The following SYT15 variants were observed in gnomAD, a reference collection of about 807,000 sequenced individuals.
SYT15 encodes the protein synaptotagmin-15.
A neutral mutation model predicts 30.1 loss-of-function variants in SYT15; 4 were observed. That is an observed-to-expected ratio of 0.13 (90% CI 0.07 to 0.30). The LOEUF is 0.30. Among genes scored for constraint, SYT15 ranks in the 10% least tolerant of loss-of-function variants. SYT15 has a pLI of 1.00. For synonymous variants in SYT15, 19 were observed against 166.3 expected (o/e 0.11, Z 6.82); for missense variants, 49 against 371.7 (o/e 0.13, Z 7.14).
chr10:46,586,831 G>T (rs528748002), intron 7 of SYT15, among the ~76,000 whole-genome samples: 1 of 20,992 alleles, frequency 4.8e-5, no homozygotes, highest in East Asian at 1.9e-3. Flanking sequence ...TCCACAGAGC[G>T]AGACTCTGTC....
chr10:46,584,598 A>AC lies in SYT15; in HGVS notation c.926_927insC (p.Glu309AspfsTer39), dbSNP rs782598080. The AC allele has an allele frequency of 2.0e-4, 316 of 1,598,850 alleles. No individual in the cohort carries two copies. The highest frequency in any genetic ancestry group is 2.3e-4 in the Non-Finnish European group (265 of 1,172,812). Reference sequence around the variant, plus strand: ...CGTGCCAAGGGCCTCCGGCTCCAGGAGGACAGAGGCATTGTCAGTGAGTTC... The same window carrying AC: ...CGTGCCAAGGGCCTCCGGCTCCAGGACGGACAGAGGCATTGTCAGTGAGTTC... On this transcript the variant is annotated frameshift_variant, in exon 6 of 8. Transcript: ENST00000374321. LOFTEE classifies it high-confidence loss of function.
At chr10:46,586,984 G>A (rs1387284791) in intron 7 of SYT15, among the ~76,000 whole-genome samples, 1 of 12,294 alleles carries the variant, frequency 8.1e-5, no homozygotes, top group Admixed American at 7.8e-4. Flanking sequence ...GACCTTCCTC[G>A]TGCCCTCCAG....
intron 5 of SYT15, among the ~76,000 whole-genome samples, chr10:46,584,228 C>T (rs1844582534): frequency 6.6e-6 from 1 of 151,600 alleles, no homozygotes; most frequent in Non-Finnish European, 1.5e-5. Context: ...GGAAATGTTT[C>T]CTCCAGCCCA....
In SYT15 at chr10:46,590,445, GAAAT is replaced by G. The variant is rs1168168188; in HGVS notation, c.*2802_*2805del. 2.8e-5 allele frequency: 2 copies of G among 72,382 alleles called. No homozygotes were observed. The highest frequency in any genetic ancestry group is 5.6e-5 in the Non-Finnish European group (2 of 36,020). 4.5% of individuals were successfully genotyped at this position (72,382 alleles called of 1,614,324 possible). On this transcript the variant is annotated 3_prime_UTR_variant, in exon 8 of 8. Coordinates refer to ENST00000374321, the MANE Select transcript of SYT15 (RefSeq NM_031912.5). Reference sequence around the variant, plus strand: ...TGGCTGAGCAATTGGACAAGATAAAGAAATAAAAGTGATCCAGATCATAAAGAAA... The same window carrying G: ...TGGCTGAGCAATTGGACAAGATAAAGAAAAGTGATCCAGATCATAAAGAAA...
At chr10:46,596,414 C>T (rs1845688363), downstream of SYT15, 1 of 148,760 alleles carries the variant, frequency 6.7e-6, no homozygotes, top group Non-Finnish European at 1.4e-5. Context: ...GAGTGCCTCA[C>T]ATTTGGCAGA....
downstream of SYT15, chr10:46,596,765 A>C (rs1453784943): frequency 2.4e-6 from 1 of 417,264 alleles, no homozygotes; most frequent in Non-Finnish European, 4.7e-6. Flanking sequence ...AATGGAGAGG[A>C]AACACTGCTA....
chr10:46,579,392 AC>A (rs1418493339), intron 1 of SYT15, among the ~76,000 whole-genome samples: 9 of 85,484 alleles, frequency 1.1e-4, no homozygotes, highest in Non-Finnish European at 1.8e-4. Flanking sequence ...TCACCACCCC[AC>A]CCAGTGCAGA....
At chr10:46,596,920 T>C, downstream of SYT15, 4 of 331,756 alleles carry the variant, frequency 1.2e-5, no homozygotes, top group East Asian at 3.2e-4. Flanking sequence ...CCTATTTTTA[T>C]AGCTAGAAGT....
rs1555043314 is a variant in SYT15 at position 46,590,671 on chromosome 10, C to T, written c.*3024C>T. The T allele has an allele frequency of 6.9e-6, 1 of 143,934 alleles. No homozygotes were observed. Among genetic ancestry groups the T allele is most frequent in the African/African-American group, 2.7e-5 (1 of 37,462 alleles). 8.9% of individuals were successfully genotyped at this position (143,934 alleles called of 1,614,324 possible). On this transcript the variant is annotated 3_prime_UTR_variant, in exon 8 of 8. Coordinates refer to ENST00000374321, the MANE Select transcript of SYT15 (RefSeq NM_031912.5). ...ATAGTGGGTATTCTTGTCTCATCCT[C>T]AATCTCAGGGGTGGTGGGTGTGGCA...
Position 46,580,787 on chromosome 10 carries a change from G to A in SYT15, c.213-107G>A, listed in dbSNP as rs575172374. On this transcript the variant is annotated intron_variant, in intron 2 of 7. Coordinates refer to ENST00000374321, the MANE Select transcript of SYT15 (RefSeq NM_031912.5). ...GTGCCCTGGCCTCCTCCTGGCTCCC[G>A]ATGGCTTTTCTTCCTCCAGCCCCTG... is the stretch of plus-strand genomic sequence containing the variant. The A allele has an allele frequency of 1.1e-4, 65 of 608,846 alleles. No individual in the cohort carries two copies. In the African/African-American group the frequency reaches 1.1e-3, roughly 10 times the overall value. The allele number at this position is 608,846 out of a possible 1,614,324, so 37.7% of individuals were successfully genotyped here.
downstream of SYT15, chr10:46,594,323 GC>G: frequency 1.0e-5 from 1 of 100,202 alleles, no homozygotes; most frequent in East Asian, 2.5e-4. Flanking sequence ...TCTCTGGTTT[GC>G]CCGTCTATCT....
Position 46,586,372 on chromosome 10 carries a change from A to C in SYT15, c.1123+595A>C, listed in dbSNP as rs1844927916. 1.6e-5 allele frequency among the ~76,000 whole-genome samples: 2 copies of C among 128,172 alleles called. 1 individual carries two copies. Among genetic ancestry groups the C allele is most frequent in the African/African-American group, 7.0e-5 (2 of 28,624 alleles). The allele number at this position is 128,172 out of a possible 152,430, so 84.1% of individuals were successfully genotyped here. A position where few individuals can be genotyped will look rare whatever the true frequency, so the allele number is the denominator to read the frequency against. On this transcript the variant is annotated intron_variant, in intron 7 of 7. Coordinates refer to ENST00000374321, the MANE Select transcript of SYT15 (RefSeq NM_031912.5). ...CCGTCCTGGCTAACACAGTGAAACC[A>C]CGTCTCTACTAAAAATACAAAAAAT...
rs1463618277 is a variant in SYT15, at chr10:46,588,724, T to C, written c.*1077T>C. The C allele has an allele frequency of 1.1e-6, 1 of 882,548 alleles. No individual in the cohort carries two copies. The highest frequency in any genetic ancestry group is 1.2e-4 in the East Asian group (1 of 8,080). The allele number at this position is 882,548 out of a possible 1,614,324, so 54.7% of individuals were successfully genotyped here. A position where few individuals can be genotyped will look rare whatever the true frequency, so the allele number is the denominator to read the frequency against. ...TATTTTAATTTTTTGAGACGGAGTT[T>C]CCCTCTTGTCACCCAGGCTGGAGTG... On this transcript the variant is annotated 3_prime_UTR_variant, in exon 8 of 8. Coordinates refer to ENST00000374321, the MANE Select transcript of SYT15 (RefSeq NM_031912.5).
Position 46,590,919 on chromosome 10 carries a change from C to A in SYT15, c.*3272C>A, listed in dbSNP as rs1845390428. On this transcript the variant is annotated 3_prime_UTR_variant, in exon 8 of 8. Coordinates refer to ENST00000374321, the MANE Select transcript of SYT15 (RefSeq NM_031912.5). ...ACTAATTGACTGTTGAATGTCAAAC[C>A]AAACTTAACATTCTTGTAATAGAAA... 3 of 140,182 alleles carry A rather than the reference C, an allele frequency of 2.1e-5. No individual in the cohort carries two copies. 8.7% of individuals were successfully genotyped at this position (140,182 alleles called of 1,614,324 possible).
intron 2 of SYT15, among the ~76,000 whole-genome samples, chr10:46,580,686 G>C (rs1844081269): frequency 5.0e-5 from 1 of 19,950 alleles, no homozygotes; most frequent in Non-Finnish European, 1.2e-4. Flanking sequence ...ACTGCTGTGT[G>C]TGTGTGTGTG....
downstream of SYT15, chr10:46,595,910 C>T (rs558018719): frequency 9.8e-5 from 14 of 142,500 alleles, 2 homozygotes; most frequent in African/African-American, 3.7e-4. Context: ...ATATCTGTGT[C>T]TCTCCTTATG....
intron 5 of SYT15, among the ~76,000 whole-genome samples, chr10:46,584,246 C>T (rs1451583491): frequency 6.6e-6 from 1 of 151,776 alleles, no homozygotes; most frequent in Non-Finnish European, 1.5e-5. Context: ...CCACCACCCC[C>T]AGGAAGGCCC....
At chr10:46,595,184 G>A (rs1241470905), downstream of SYT15, among the ~76,000 whole-genome samples, 2 of 130,892 alleles carry the variant, frequency 1.5e-5, no homozygotes, top group African/African-American at 3.1e-5. Context: ...CTGGAGTGCA[G>A]TGGCGCCATC....
rs10588659 is a variant in SYT15 at position 46,580,680 on chromosome 10, C to CTGTGTG, written c.213-181_213-176dup. 1.7e-4 allele frequency among the ~76,000 whole-genome samples: 21 copies of CTGTGTG among 125,440 alleles called. 2 individuals are homozygous for CTGTGTG. Among genetic ancestry groups the CTGTGTG allele is most frequent in the African/African-American group, 7.2e-4 (21 of 29,200 alleles). 82.3% of individuals were successfully genotyped at this position (125,440 alleles called of 152,430 possible). ...TGTGTTCCTTCTTCAAATCCCACTG[C>CTGTGTG]TGTGTGTGTGTGTGTGTGTGTGTGT... On this transcript the variant is annotated intron_variant, in intron 2 of 7. Coordinates refer to ENST00000374321, the MANE Select transcript of SYT15 (RefSeq NM_031912.5).
Sources: gnomAD v4.1 joint callset for allele counts (sites outside exome capture counted in the v4.1 genomes callset) on GRCh38, gnomAD v4.1.1 for gene constraint, MANE v1.5 for transcripts, NCBI Gene and HGNC (gene_info 2026-07-23, HGNC 2026-07-21) for gene names.